BLVRB: variants seen among roughly 807,000 people sequenced by gnomAD.
BLVRB encodes the protein biliverdin reductase B, also known as flavin reductase (NADPH).
A neutral mutation model predicts 21.1 loss-of-function variants in BLVRB; 25 were observed. The ratio of observed to expected loss-of-function variants is 1.19; its 90% CI spans 0.86 to 1.66. BLVRB has a LOEUF of 1.66. Among genes scored for constraint, BLVRB ranks in the 40% most tolerant of loss-of-function variants. The pLI, the probability that BLVRB is intolerant of heterozygous loss-of-function variation, is 0.00. For missense variants in BLVRB, 274 were observed against 282.7 expected (o/e 0.97, Z 0.22); for synonymous variants, 128 against 122.2 (o/e 1.05, Z -0.31).
rs751696189 is a variant in BLVRB, at chr19:40,459,327, C to CAAAAAAAAAAA, written c.80-793_80-783dup. Among the ~76,000 whole-genome samples the CAAAAAAAAAAA allele has an allele frequency of 3.5e-4, 12 of 34,426 alleles. 3 individuals carry two copies. The highest frequency in any genetic ancestry group is 4.3e-4 in the African/African-American group (4 of 9,310). 22.6% of individuals were successfully genotyped at this position (34,426 alleles called of 152,430 possible). A position where few individuals can be genotyped will look rare whatever the true frequency, so the allele number is the denominator to read the frequency against. On this transcript the variant is annotated intron_variant, in intron 1 of 4. Transcript: ENST00000263368. ...TGGATGACAAAGCGAGACTCTATCTCAAAAAAAAAAAAAAAAAAAAAAAAA... is the reference window on the plus strand; with the variant it reads ...TGGATGACAAAGCGAGACTCTATCTCAAAAAAAAAAAAAAAAAAAAAAAAAAAAAAAAAAAA...
intron 1 of BLVRB, 82 bp from the exon 2 acceptor site, chr19:40,458,627 G>A: frequency 6.9e-7 from 1 of 1,441,746 alleles, no homozygotes. Flanking sequence ...AAGCCACCAT[G>A]AACTCTCAAA....
At chr19:40,454,670 C>T (rs545568633) in intron 3 of BLVRB, among the ~76,000 whole-genome samples, 3 of 152,020 alleles carry the variant, frequency 2.0e-5, no homozygotes, top group Non-Finnish European at 4.4e-5. Flanking sequence ...CTCAGCCTCC[C>T]GAGTAGCTGG....
At chr19:40,460,269 T>TATATATATATAC (rs1281133813) in intron 1 of BLVRB, among the ~76,000 whole-genome samples, 1 of 140,722 alleles carries the variant, frequency 7.1e-6, no homozygotes, top group African/African-American at 2.8e-5. Context: ...TATATATATA[T>TATATATATATAC]ATATATTTAG....
At chr19:40,462,709 G>A (rs2079793406) in intron 1 of BLVRB, among the ~76,000 whole-genome samples, 2 of 149,050 alleles carry the variant, frequency 1.3e-5, no homozygotes, top group African/African-American at 2.4e-5. Context: ...GGTTAACATG[G>A]TGAAACCCCA....
chr19:40,454,674 T>C (rs914755951), intron 3 of BLVRB, among the ~76,000 whole-genome samples: 1 of 151,986 alleles, frequency 6.6e-6, no homozygotes, highest in Non-Finnish European at 1.5e-5. Context: ...GCCTCCCGAG[T>C]AGCTGGGACT....
intron 1 of BLVRB, among the ~76,000 whole-genome samples, chr19:40,461,176 C>T (rs1012456899): frequency 2.0e-5 from 3 of 152,154 alleles, no homozygotes; most frequent in Non-Finnish European, 4.4e-5. Context: ...AGCTACCGAG[C>T]GTGGCCTATT....
intron 4 of BLVRB, among the ~76,000 whole-genome samples, chr19:40,449,835 A>G (rs2079730944): frequency 6.6e-6 from 1 of 152,212 alleles, no homozygotes; most frequent in Non-Finnish European, 1.5e-5. Flanking sequence ...AATGCTAAGC[A>G]TTGAACCTAA....
intron 1 of BLVRB, among the ~76,000 whole-genome samples, chr19:40,461,218 C>T (rs1234797051): frequency 6.6e-6 from 1 of 152,168 alleles, no homozygotes; most frequent in African/African-American, 2.4e-5. Flanking sequence ...ACTTTATCTC[C>T]TGGCCTGATC....
intron 1 of BLVRB, among the ~76,000 whole-genome samples, chr19:40,464,065 C>T (rs577056653): frequency 2.0e-5 from 3 of 151,692 alleles, no homozygotes; most frequent in Non-Finnish European, 4.4e-5. Context: ...CCGCACCCAG[C>T]CTCTTTTTCT....
chr19:40,459,328 A>AG (rs2079776693), intron 1 of BLVRB, among the ~76,000 whole-genome samples: 1 of 34,258 alleles, frequency 2.9e-5, no homozygotes. Context: ...ACTCTATCTC[A>AG]AAAAAAAAAA....
In BLVRB at chr19:40,447,891, A is replaced by G. The variant is rs2079720984; in HGVS notation, c.619T>C (p.Ter207GlnextTer?). 4 of 1,613,340 alleles carry G rather than the reference A, an allele frequency of 2.5e-6. No individual in the cohort carries two copies. The highest frequency in any genetic ancestry group is 1.6e-4 in the Middle Eastern group (1 of 6,068). ...CCCTCCCAGATGGGGACAGAGTGCT[A>G]CTGGTACTGGTGGGAGGGGTAGGTG... ...HSTYPSHQYQ[*>Q] is the part of the protein sequence containing the mutation. Residue 207 changes from the stop codon to glutamine, a stop_lost, in exon 5 of 5, where the codon TAG (stop) becomes CAG (glutamine). Coordinates refer to ENST00000263368, the MANE Select transcript of BLVRB (RefSeq NM_000713.3).
intron 2 of BLVRB, 64 bp from the exon 3 acceptor site, chr19:40,458,308 G>T: frequency 6.6e-7 from 1 of 1,516,562 alleles, no homozygotes; most frequent in Non-Finnish European, 8.9e-7. Context: ...TGGCAGGGGC[G>T]GGGCCGGGGG....
At position 40,447,943 on chromosome 19, in the gene BLVRB, G is replaced by A; in HGVS notation, c.567C>T (p.Leu189=). The A allele has an allele frequency of 1.9e-6, 3 of 1,614,136 alleles. No homozygotes were observed. The highest frequency in any genetic ancestry group is 1.7e-6 in the Non-Finnish European group (2 of 1,180,026). The part of the protein sequence containing the change: ...HDLGHFMLRC[L]TTDEYDGHST... Reference sequence around the variant, plus strand: ...TGTGTCCGTCGTACTCATCGGTGGTGAGGCAGCGCAGCATGAAATGGCCCA... The same window carrying A: ...TGTGTCCGTCGTACTCATCGGTGGTAAGGCAGCGCAGCATGAAATGGCCCA... Residue 189 remains leucine (L), a synonymous_variant, in exon 5 of 5, where the codon CTC becomes CTT. Transcript: ENST00000263368.
chr19:40,458,119 C>G (rs1327768820), intron 3 of BLVRB, 36 bp downstream of exon 3: 1 of 1,600,848 alleles, frequency 6.2e-7, no homozygotes, highest in South Asian at 1.1e-5. Flanking sequence ...CCAGTACCCC[C>G]CAGTTCAGCC....
intron 1 of BLVRB, among the ~76,000 whole-genome samples, chr19:40,462,259 C>T (rs894484571): frequency 5.9e-5 from 9 of 151,468 alleles, no homozygotes; most frequent in Non-Finnish European, 1.3e-4. Flanking sequence ...CAGGGGCTTG[C>T]ATGGGCCAAT....
At chr19:40,460,038 G>T (rs2079779689) in intron 1 of BLVRB, among the ~76,000 whole-genome samples, 1 of 152,046 alleles carries the variant, frequency 6.6e-6, no homozygotes. Context: ...CAGCCTTACT[G>T]CTGGGAAGCC....
rs1254195981 is a variant in BLVRB at position 40,451,459 on chromosome 19, G to C, written c.368C>G (p.Pro123Arg). 6.2e-7 allele frequency: 1 copy of C among 1,613,420 alleles called. No individual in the cohort carries two copies. The highest frequency in any genetic ancestry group is 2.2e-5 in the East Asian group (1 of 44,844). Residue 123 changes from proline to arginine, a missense_variant, in exon 4 of 5, where the codon CCA becomes CGA. Coordinates refer to ENST00000263368, the MANE Select transcript of BLVRB (RefSeq NM_000713.3). ...GTCATCAGTCACAGCCTGCAGTCGT[G>C]GGGGCACCTTGGTAGGGTCCCAGAG... Reference protein sequence around the residue: ...FLLWDPTKVPPRLQAVTDDHI... With the variant: ...FLLWDPTKVPRRLQAVTDDHI...
chr19:40,456,453 A>AC (rs1442075756), intron 3 of BLVRB, among the ~76,000 whole-genome samples: 2 of 151,818 alleles, frequency 1.3e-5, no homozygotes, highest in African/African-American at 4.8e-5. Flanking sequence ...TGAAAAAAAA[A>AC]ATCCTGGCAC....
intron 1 of BLVRB, among the ~76,000 whole-genome samples, chr19:40,464,062 C>T (rs1217243782): frequency 2.0e-5 from 3 of 151,640 alleles, no homozygotes; most frequent in Non-Finnish European, 4.4e-5. Flanking sequence ...CCACCGCACC[C>T]AGCCTCTTTT....
Sources: gnomAD v4.1 joint callset for allele counts (sites outside exome capture counted in the v4.1 genomes callset) on GRCh38, gnomAD v4.1.1 for gene constraint, MANE v1.5 for transcripts, NCBI Gene and HGNC (gene_info 2026-07-23, HGNC 2026-07-21) for gene names.